COL28A1: variants seen among roughly 807,000 people sequenced by gnomAD.
The protein encoded by COL28A1 is collagen type XXVIII alpha 1 chain.
Under a neutral mutation model 150.2 loss-of-function variants are expected in COL28A1, and 161 were observed. The observed-to-expected ratio is 1.07, with a 90% CI of 0.94 to 1.22. The LOEUF (loss-of-function observed/expected upper bound fraction) is 1.22. Ranked by LOEUF, COL28A1 falls within the 50% of genes most tolerant of loss-of-function variation. COL28A1 has a pLI of 0.00. For missense variants in COL28A1, 1,617 were observed against 1,388.3 expected (o/e 1.16, Z -2.62); for synonymous variants, 552 against 469.7 (o/e 1.18, Z -2.26).
chr7:7,340,389 T>C, the COL28A1 span, among the ~76,000 whole-genome samples: 1 of 152,114 alleles, frequency 6.6e-6, no homozygotes, highest in South Asian at 2.1e-4. Flanking sequence ...TGTGCTCTCA[T>C]CTGAATGAAA....
Position 7,386,856 on chromosome 7 carries a change from A to G in COL28A1, c.2137-5244T>C, listed in dbSNP as rs141441862. On this transcript the variant is annotated intron_variant, in intron 27 of 34. Coordinates refer to ENST00000399429, the MANE Select transcript of COL28A1 (RefSeq NM_001037763.3). Reference sequence around the variant, plus strand: ...CCATAGACTGGGTGGCTTATAAACAACAGCAGATTATCTCTCACAGTTCTG... The same window carrying G: ...CCATAGACTGGGTGGCTTATAAACAGCAGCAGATTATCTCTCACAGTTCTG... 3.9e-5 allele frequency among the ~76,000 whole-genome samples: 6 copies of G among 152,288 alleles called. No individual in the cohort carries two copies. The East Asian group carries it at 1.2e-3, about 29-fold the overall frequency.
chr7:7,419,758 CG>C (rs939523942), intron 26 of COL28A1, 126 bp downstream of exon 26: 23 of 468,010 alleles, frequency 4.9e-5, no homozygotes, highest in Non-Finnish European at 7.5e-5. Context: ...AAAAATAAGA[CG>C]TTTCATCAGT....
At chr7:7,439,881 G>C (rs2348047) in intron 21 of COL28A1, among the ~76,000 whole-genome samples, 2,597 of 152,290 alleles carry the variant, frequency 0.017, 55 homozygotes, top group African/African-American at 0.052. Context: ...ACACTGAATG[G>C]ACACTGAAGT....
chr7:7,390,747 C>T (rs1449353234), intron 27 of COL28A1, among the ~76,000 whole-genome samples: 2 of 152,136 alleles, frequency 1.3e-5, no homozygotes, highest in African/African-American at 4.8e-5. Flanking sequence ...GGAACTTATC[C>T]ATTTCTTCTA....
chr7:7,382,883 G>A (rs1323514345), intron 27 of COL28A1, among the ~76,000 whole-genome samples: 4 of 152,112 alleles, frequency 2.6e-5, no homozygotes, highest in African/African-American at 9.7e-5. Flanking sequence ...AGGCATGATG[G>A]GATTTACGAG....
intron 15 of COL28A1, among the ~76,000 whole-genome samples, chr7:7,469,613 A>T (rs1280243473): frequency 1.0e-5 from 1 of 99,280 alleles, no homozygotes; most frequent in African/African-American, 4.1e-5. Flanking sequence ...AAACTACTTT[A>T]AAGTTCATAT....
intron 27 of COL28A1, among the ~76,000 whole-genome samples, chr7:7,383,875 TACATTCCTAGGAGGAA>T (rs1462875734): frequency 6.6e-6 from 1 of 152,072 alleles, no homozygotes. Context: ...CACACTTGTA[TACATTCCTAGGAGGAA>T]ACTCTTACAT....
intron 21 of COL28A1, among the ~76,000 whole-genome samples, chr7:7,438,067 G>C (rs549174990): frequency 8.0e-5 from 12 of 150,402 alleles, no homozygotes; most frequent in African/African-American, 2.5e-4. Flanking sequence ...AAACCCCATC[G>C]CTACTAAAAA....
In COL28A1 at chr7:7,473,880, AGTGTGTGTTTGTTTACATATATAGT is replaced by A. The variant is rs1788646032; in HGVS notation, c.1302+696_1302+720del. Among the ~76,000 whole-genome samples the A allele has an allele frequency of 3.3e-5, 5 of 151,116 alleles. No homozygotes were observed. The South Asian group carries it at 1.0e-3, about 32-fold the overall frequency. On this transcript the variant is annotated intron_variant, in intron 15 of 34. Coordinates refer to ENST00000399429, the MANE Select transcript of COL28A1 (RefSeq NM_001037763.3). ...ATATATATAGTGTGTGTTTATATAT[AGTGTGTGTTTGTTTACATATATAGT>A]GTGTGTGTTTGTTTATATATATGAT...
chr7:7,500,614 A>G (rs1780467594), intron 11 of COL28A1, among the ~76,000 whole-genome samples: 1 of 152,214 alleles, frequency 6.6e-6, no homozygotes, highest in African/African-American at 2.4e-5. Flanking sequence ...CATTCCTAAT[A>G]TCATATCTGA....
At chr7:7,410,430 C>A (rs569563946) in intron 27 of COL28A1, among the ~76,000 whole-genome samples, 22 of 152,242 alleles carry the variant, frequency 1.4e-4, no homozygotes, top group Admixed American at 7.9e-4. Flanking sequence ...GGTCTCGACT[C>A]CTCCTTTTTA....
At chr7:7,430,867 G>A (rs1784923255) in intron 25 of COL28A1, among the ~76,000 whole-genome samples, 1 of 152,274 alleles carries the variant, frequency 6.6e-6, no homozygotes, top group African/African-American at 2.4e-5. Flanking sequence ...AGGATCTGAT[G>A]TAGTCCTGAG....
intron 17 of COL28A1, among the ~76,000 whole-genome samples, chr7:7,452,960 C>T (rs1021752599): frequency 1.3e-5 from 2 of 152,174 alleles, no homozygotes; most frequent in Non-Finnish European, 2.9e-5. Context: ...TAAATAAGTG[C>T]CATGCTCCTC....
rs1781109119 is a variant in COL28A1 at position 7,511,082 on chromosome 7, G to C, written c.927+9C>G. On this transcript the variant is annotated intron_variant, in intron 9 of 34. Transcript: ENST00000399429. ...ACAGCTGTAAGCAGTTTAAAAACAT[G>C]TTCCTTACCTTGTCACCTTTTATCC... The C allele has an allele frequency of 6.2e-7, 1 of 1,611,788 alleles. No homozygotes were observed. The highest frequency in any genetic ancestry group is 8.5e-7 in the Non-Finnish European group (1 of 1,178,226).
In COL28A1 at chr7:7,437,389, T is replaced by C. The variant is rs764453470; in HGVS notation, c.1791+5A>G. 2.0e-5 allele frequency: 32 copies of C among 1,611,544 alleles called. No individual in the cohort carries two copies. Among genetic ancestry groups the C allele is most frequent in the Admixed American group, 3.4e-5 (2 of 59,580 alleles). ...AAAAAGAAAATAATCTCCAAGAATA[T>C]ATACCTTTGGCCCAGGTGGTCCAGG... On this transcript the variant is annotated splice_donor_5th_base_variant and intron_variant, in intron 22 of 34. Transcript: ENST00000399429.
At chr7:7,348,073 T>C in the COL28A1 span, among the ~76,000 whole-genome samples, 1 of 151,984 alleles carries the variant, frequency 6.6e-6, no homozygotes, top group Non-Finnish European at 1.5e-5. Flanking sequence ...GGAAATAGAT[T>C]TGAGAGATTT....
At chr7:7,364,435 T>G (rs1368464811) in intron 33 of COL28A1, among the ~76,000 whole-genome samples, 2 of 152,208 alleles carry the variant, frequency 1.3e-5, no homozygotes, top group African/African-American at 4.8e-5. Context: ...AACTATTCAC[T>G]AATCCTTATC....
At chr7:7,348,642 GCT>G in the COL28A1 span, among the ~76,000 whole-genome samples, 22 of 83,988 alleles carry the variant, frequency 2.6e-4, no homozygotes, top group Admixed American at 6.1e-4. Context: ...ATTAGTTTCT[GCT>G]CTTTTTTTTT....
At chr7:7,517,715 C>T (rs1357341489) in intron 7 of COL28A1, 81 bp downstream of exon 7, 6 of 1,606,432 alleles carry the variant, frequency 3.7e-6, no homozygotes, top group Admixed American at 3.4e-5. Context: ...TGCACTTGCA[C>T]TAAGGGGGTC....
Sources: gnomAD v4.1 joint callset for allele counts (sites outside exome capture counted in the v4.1 genomes callset) on GRCh38, gnomAD v4.1.1 for gene constraint, MANE v1.5 for transcripts, NCBI Gene and HGNC (gene_info 2026-07-23, HGNC 2026-07-21) for gene names.